Variants in NRCAM observed in about 807,000 individuals in gnomAD.
The protein encoded by NRCAM is neuronal cell adhesion molecule.
Under a neutral mutation model 156.5 loss-of-function variants are expected in NRCAM, and 83 were observed. The ratio of observed to expected loss-of-function variants is 0.53; its 90% CI spans 0.44 to 0.64. The LOEUF (loss-of-function observed/expected upper bound fraction) is 0.64, where lower values mean the gene tolerates loss of function less well. NRCAM is among the 30% of genes least tolerant of loss of function. The pLI is 0.00. For synonymous variants in NRCAM, 538 were observed against 563.9 expected (o/e 0.95, Z 0.65); for missense variants, 1,417 against 1,597.3 (o/e 0.89, Z 1.92).
chr7:108,268,625 TG>T (rs1198260679), intron 3 of NRCAM, among the ~76,000 whole-genome samples: 7 of 49,080 alleles, frequency 1.4e-4, no homozygotes, highest in African/African-American at 3.2e-4. Context: ...GGGGTGGGGG[TG>T]GGGGGGGGTT....
chr7:108,321,718 G>T (rs917507833), intron 2 of NRCAM, among the ~76,000 whole-genome samples: 16 of 152,174 alleles, frequency 1.1e-4, no homozygotes, highest in African/African-American at 3.9e-4. Flanking sequence ...AGTTTAATCT[G>T]ATTTGATTTA....
rs182635427 is a variant in NRCAM at position 108,418,779 on chromosome 7, T to C, written c.-331-19186A>G. Among the ~76,000 whole-genome samples the C allele has an allele frequency of 2.8e-3, 427 of 152,354 alleles. 7 individuals are homozygous for C. Among genetic ancestry groups the C allele is most frequent in the Non-Finnish European group, 5.7e-4 (39 of 68,026 alleles). On this transcript the variant is annotated intron_variant, in intron 1 of 32. Coordinates refer to ENST00000379028, the MANE Select transcript of NRCAM (RefSeq NM_001037132.4). ...ATTTCAACATTTTAATACAACTGTGTGGATTTTTTTCTGGCTTATTTTATA... is the reference window on the plus strand; with the variant it reads ...ATTTCAACATTTTAATACAACTGTGCGGATTTTTTTCTGGCTTATTTTATA...
intron 1 of NRCAM, among the ~76,000 whole-genome samples, chr7:108,412,115 GT>G (rs1796148453): frequency 6.6e-6 from 1 of 151,982 alleles, no homozygotes; most frequent in Admixed American, 6.6e-5. Flanking sequence ...TAAGAAAACT[GT>G]TTTTCTATCT....
intron 2 of NRCAM, chr7:108,328,450 C>CA (rs2099093093): frequency 6.6e-6 from 1 of 152,214 alleles, no homozygotes; most frequent in African/African-American, 2.4e-5. Context: ...TACTGCTTTC[C>CA]ATTTCCTCCC....
intron 2 of NRCAM, among the ~76,000 whole-genome samples, chr7:108,358,762 T>A (rs1218753554): frequency 6.6e-6 from 1 of 152,202 alleles, no homozygotes; most frequent in Non-Finnish European, 1.5e-5. Context: ...CAAAACGAAC[T>A]GAGTACTGCC....
At chr7:108,212,918 A>C (rs1056150059) in intron 11 of NRCAM, among the ~76,000 whole-genome samples, 1 of 152,186 alleles carries the variant, frequency 6.6e-6, no homozygotes, top group African/African-American at 2.4e-5. Flanking sequence ...AACTCATCTC[A>C]AAAAGATGTC....
chr7:108,259,715 C>G (rs2096821421), intron 3 of NRCAM, among the ~76,000 whole-genome samples: 1 of 152,128 alleles, frequency 6.6e-6, no homozygotes, highest in South Asian at 2.1e-4. Context: ...GAGCTGGAAG[C>G]CATTATCCTC....
At position 108,276,841 on chromosome 7, in the gene NRCAM, T is replaced by C. The variant is rs558677786; in HGVS notation, c.-107+35824A>G. Reference sequence around the variant, plus strand: ...GTTTCTTCATAGCGTTGATGGTCTTTACAATTTGTCATGCTTTTGCAGTGG... The same window carrying C: ...GTTTCTTCATAGCGTTGATGGTCTTCACAATTTGTCATGCTTTTGCAGTGG... On this transcript the variant is annotated intron_variant, in intron 3 of 32. Transcript: ENST00000379028. 2.0e-5 allele frequency among the ~76,000 whole-genome samples: 3 copies of C among 152,294 alleles called. No homozygotes were observed. The East Asian group carries it at 5.8e-4, about 29-fold the overall frequency.
intron 20 of NRCAM, among the ~76,000 whole-genome samples, chr7:108,187,869 G>A (rs2153413808): frequency 6.6e-6 from 1 of 152,184 alleles, no homozygotes; most frequent in African/African-American, 2.4e-5. Flanking sequence ...GCAGGAGAAT[G>A]GCGTGAACCC....
At chr7:108,383,560 C>T (rs1156422941) in intron 2 of NRCAM, among the ~76,000 whole-genome samples, 1 of 152,194 alleles carries the variant, frequency 6.6e-6, no homozygotes, top group African/African-American at 2.4e-5. Flanking sequence ...GGAGTTCCAT[C>T]TTGAACATCC....
chr7:108,454,783 T>A (rs139595965), intron 1 of NRCAM, among the ~76,000 whole-genome samples: 510 of 152,198 alleles, frequency 3.4e-3, no homozygotes, highest in Non-Finnish European at 5.9e-3. Flanking sequence ...CTTGGCTCCA[T>A]CTCCTCCTGC....
intron 2 of NRCAM, among the ~76,000 whole-genome samples, chr7:108,318,091 A>C (rs1486042583): frequency 2.6e-5 from 3 of 116,600 alleles, no homozygotes; most frequent in African/African-American, 3.5e-5. Flanking sequence ...TGTCGCCCAG[A>C]CTGGAGTGGA....
intron 20 of NRCAM, among the ~76,000 whole-genome samples, chr7:108,188,065 T>C (rs1444411770): frequency 2.6e-5 from 4 of 152,110 alleles, no homozygotes; most frequent in Non-Finnish European, 5.9e-5. Context: ...ACAATGCTGG[T>C]CTGACATCTG....
intron 3 of NRCAM, among the ~76,000 whole-genome samples, chr7:108,310,430 GT>G (rs2098787303): frequency 6.6e-6 from 1 of 152,146 alleles, no homozygotes; most frequent in African/African-American, 2.4e-5. Flanking sequence ...AACGTGAGCA[GT>G]TTTTATGTGT....
In NRCAM at chr7:108,182,663, G is replaced by A. The variant is rs372148745; in HGVS notation, c.2530+32C>T. On this transcript the variant is annotated intron_variant, in intron 23 of 32. Transcript: ENST00000379028. ...GCTTGCACCTTGGTAAGTCTGTTTT[G>A]CTGGGGAAAAGTAGGAAATGGCATC... 3 of 1,594,760 alleles carry A rather than the reference G, an allele frequency of 1.9e-6. No homozygotes were observed. In the African/African-American group the frequency reaches 4.0e-5, roughly 21 times the overall value.
chr7:108,306,366 G>A (rs1167733978), intron 3 of NRCAM, among the ~76,000 whole-genome samples: 2 of 152,084 alleles, frequency 1.3e-5, no homozygotes, highest in East Asian at 3.8e-4. Context: ...CAATGTTAAA[G>A]GTAATTTTTC....
chr7:108,191,014 G>T (rs439155), intron 19 of NRCAM, among the ~76,000 whole-genome samples: 103,462 of 152,152 alleles, frequency 0.68, 37,174 homozygotes, highest in East Asian at 0.96. Context: ...CAAACGAAGT[G>T]ATTTTATAAT....
chr7:108,173,342 T>C (rs2059260855), intron 28 of NRCAM, among the ~76,000 whole-genome samples: 1 of 152,180 alleles, frequency 6.6e-6, no homozygotes. Context: ...TCATCTCTTA[T>C]TTATTCCCTA....
intron 3 of NRCAM, among the ~76,000 whole-genome samples, chr7:108,300,877 C>G (rs140911631): frequency 6.6e-6 from 1 of 151,868 alleles, no homozygotes; most frequent in Non-Finnish European, 1.5e-5. Flanking sequence ...AAAAAAATTA[C>G]GTTTTTTTAA....
Sources: gnomAD v4.1 joint callset for allele counts (sites outside exome capture counted in the v4.1 genomes callset) on GRCh38, gnomAD v4.1.1 for gene constraint, MANE v1.5 for transcripts, NCBI Gene and HGNC (gene_info 2026-07-23, HGNC 2026-07-21) for gene names.